Variants in TET3 observed in about 807,000 individuals in gnomAD.
The protein encoded by TET3 is methylcytosine dioxygenase TET3.
Under a neutral mutation model 141.4 loss-of-function variants are expected in TET3, and 19 were observed. The observed-to-expected ratio is 0.13, with a 90% CI of 0.09 to 0.20. The LOEUF is 0.20. Among genes scored for constraint, TET3 ranks in the 10% least tolerant of loss-of-function variants. TET3 has a pLI of 1.00. For synonymous variants in TET3, 1,043 were observed against 980.9 expected (o/e 1.06, Z -1.18); for missense variants, 1,874 against 2,356.9 (o/e 0.80, Z 4.24).
chr2:74,046,297 C>CA lies in TET3; in HGVS notation c.381dup (p.Val128SerfsTer2), dbSNP rs749202010. The CA allele has an allele frequency of 6.6e-7, 1 of 1,511,456 alleles. No homozygotes were observed. The highest frequency in any genetic ancestry group is 8.8e-7 in the Non-Finnish European group (1 of 1,130,818). The allele number at this position is 1,511,456 out of a possible 1,614,324, so 93.6% of individuals were successfully genotyped here. A position where few individuals can be genotyped will look rare whatever the true frequency, so the allele number is the denominator to read the frequency against. ...CTTTAGACAGGCTCAGAGCTCAGCC[C>CA]AGTTGATGGACCTGTTCCAGGTCAG... On this transcript the variant is annotated frameshift_variant, in exon 4 of 12. Coordinates refer to ENST00000409262, the MANE Select transcript of TET3 (RefSeq NM_001287491.2). LOFTEE classifies it high-confidence loss of function. The surrounding 1 kb of genome is among the most constrained non-coding windows in gnomAD (Gnocchi z 4.3).
At chr2:73,983,728 G>A (rs1683865566), upstream of TET3, among the ~76,000 whole-genome samples, 1 of 152,230 alleles carries the variant, frequency 6.6e-6, no homozygotes, top group Non-Finnish European at 1.5e-5. Flanking sequence ...GCAGCCGGGC[G>A]GCGACGCCTG....
At chr2:74,003,594 T>C (rs941619543) in intron 3 of TET3, among the ~76,000 whole-genome samples, 1 of 148,014 alleles carries the variant, frequency 6.8e-6, no homozygotes, top group African/African-American at 2.5e-5. Flanking sequence ...GAGGGAGAAT[T>C]GCGCTCCTGA....
At position 74,105,843 on chromosome 2, in the gene TET3, A is replaced by C. The variant is rs1297931712; in HGVS notation, c.*3667A>C. On this transcript the variant is annotated 3_prime_UTR_variant, in exon 12 of 12. Transcript: ENST00000409262. The stretch of plus-strand genomic sequence containing the variant: ...TGCTTCTAGAGGTTTAATCACCATG[A>C]GATCTCAAACCAAGGCAAAGCTGGT... 1 of 156,462 alleles carries C rather than the reference A, an allele frequency of 6.4e-6. No homozygotes were observed. The highest frequency in any genetic ancestry group is 1.4e-5 in the Non-Finnish European group (1 of 70,018). The allele number at this position is 156,462 out of a possible 1,614,324, so 9.7% of individuals were successfully genotyped here.
chr2:74,021,721 C>T (rs568529269), intron 3 of TET3, among the ~76,000 whole-genome samples: 3 of 152,334 alleles, frequency 2.0e-5, no homozygotes, highest in African/African-American at 7.2e-5. Context: ...TAACCAGCTT[C>T]CTACAGGTGA....
chr2:74,019,815 A>C (rs923294190), intron 3 of TET3, among the ~76,000 whole-genome samples: 1 of 152,204 alleles, frequency 6.6e-6, no homozygotes, highest in South Asian at 2.1e-4. Context: ...ACGTGCAGAC[A>C]TCAGGGAGGA....
intron 2 of TET3, 54 bp downstream of exon 2, chr2:73,986,760 AC>A: frequency 8.2e-7 from 1 of 1,226,256 alleles, no homozygotes; most frequent in Non-Finnish European, 1.0e-6. Flanking sequence ...CACGGTGATC[AC>A]GGGGGTCTTG....
chr2:74,064,156 A>G (rs1191526259), intron 4 of TET3, among the ~76,000 whole-genome samples: 2 of 152,202 alleles, frequency 1.3e-5, no homozygotes, highest in Non-Finnish European at 2.9e-5. Flanking sequence ...AAGTCGGGAT[A>G]TAGCTTATAA....
At chr2:74,118,604 T>G in the TET3 span, among the ~76,000 whole-genome samples, 1 of 152,324 alleles carries the variant, frequency 6.6e-6, no homozygotes, top group Non-Finnish European at 1.5e-5. Flanking sequence ...GGAGTCAAAA[T>G]GTATATGTGG....
the TET3 span, chr2:74,134,535 C>A: frequency 1.1e-5 from 4 of 366,178 alleles, no homozygotes; most frequent in East Asian, 3.0e-4. Flanking sequence ...CCAATAGTGA[C>A]CCCTAACTTC....
the TET3 span, among the ~76,000 whole-genome samples, chr2:74,129,739 A>G: frequency 6.6e-6 from 1 of 152,160 alleles, no homozygotes; most frequent in Non-Finnish European, 1.5e-5. Flanking sequence ...TTGTTTTTAT[A>G]TCTTCCAGAG....
chr2:74,080,525 G>T lies in TET3; in HGVS notation c.2613G>T (p.Arg871=), dbSNP rs750884491. ...ERYGEKGKAI[R]IEKVIYTGKE... Reference sequence around the variant, plus strand: ...ATGGAGAGAAGGGGAAAGCCATCCGGATCGAGAAGGTCATCTACACGGGGA... The same window carrying T: ...ATGGAGAGAAGGGGAAAGCCATCCGTATCGAGAAGGTCATCTACACGGGGA... The change falls in exon 6 of 12, where the codon CGG becomes CGT. Residue 871 remains arginine (R), a synonymous_variant. Transcript: ENST00000409262. 1 of 1,613,736 alleles carries T rather than the reference G, an allele frequency of 6.2e-7. No homozygotes were observed. The highest frequency in any genetic ancestry group is 1.1e-5 in the South Asian group (1 of 91,018).
At chr2:74,041,302 A>T (rs769440744) in intron 3 of TET3, among the ~76,000 whole-genome samples, 2 of 152,214 alleles carry the variant, frequency 1.3e-5, no homozygotes, top group Non-Finnish European at 2.9e-5. Flanking sequence ...AGATGTTTAA[A>T]GACTTTCTGG....
chr2:74,031,476 A>C (rs1411879734), intron 3 of TET3, among the ~76,000 whole-genome samples: 1 of 152,200 alleles, frequency 6.6e-6, no homozygotes, highest in East Asian at 1.9e-4. Flanking sequence ...GATTACTGGC[A>C]TCTTTCAGTT....
intron 4 of TET3, among the ~76,000 whole-genome samples, chr2:74,052,869 C>CA (rs1444690825): frequency 3.3e-5 from 5 of 151,962 alleles, no homozygotes; most frequent in African/African-American, 9.7e-5. Context: ...GACTCTGTCT[C>CA]AAAAAACAAA....
Position 74,104,638 on chromosome 2 carries a change from T to A in TET3, c.*2462T>A, listed in dbSNP as rs568796825. ...CCAGGTTGGCTGTTGGTTTGGAAGGTCCCGAGTGTAACCCAGGTGATTCTG... is the reference window on the plus strand; with the variant it reads ...CCAGGTTGGCTGTTGGTTTGGAAGGACCCGAGTGTAACCCAGGTGATTCTG... On this transcript the variant is annotated 3_prime_UTR_variant, in exon 12 of 12. Transcript: ENST00000409262. The A allele has an allele frequency of 6.6e-6, 1 of 152,472 alleles. No individual in the cohort carries two copies. The highest frequency in any genetic ancestry group is 1.9e-4 in the East Asian group (1 of 5,196). The allele number at this position is 152,472 out of a possible 1,614,324, so 9.4% of individuals were successfully genotyped here.
intron 3 of TET3, among the ~76,000 whole-genome samples, chr2:74,010,175 C>T (rs1685352955): frequency 6.6e-6 from 1 of 152,200 alleles, no homozygotes; most frequent in Admixed American, 6.5e-5. Context: ...TAGGGCTGTA[C>T]TGGCAAGTGG....
chr2:74,131,626 C>G, the TET3 span, among the ~76,000 whole-genome samples: 1 of 152,170 alleles, frequency 6.6e-6, no homozygotes, highest in South Asian at 2.1e-4. Flanking sequence ...GGCAGTTTCC[C>G]CTACACTGAC....
At chr2:74,024,582 T>C (rs952035413) in intron 3 of TET3, among the ~76,000 whole-genome samples, 3 of 152,058 alleles carry the variant, frequency 2.0e-5, no homozygotes, top group African/African-American at 7.2e-5. Context: ...AGCTGAGGGC[T>C]GGTGGAAGGG....
chr2:74,065,757 C>T (rs1401103822), intron 4 of TET3, among the ~76,000 whole-genome samples: 2 of 131,716 alleles, frequency 1.5e-5, no homozygotes, highest in African/African-American at 5.7e-5. Context: ...CTCTTCTCTT[C>T]TCTTTTGTTT....
Sources: allele counts gnomAD v4.1 joint callset (sites outside exome capture counted in the v4.1 genomes callset), GRCh38; gene constraint gnomAD v4.1.1; non-coding constraint Gnocchi (gnomAD v3.1); transcripts MANE v1.5; gene names NCBI Gene and HGNC (gene_info 2026-07-23, HGNC 2026-07-21).